Variants in EIF3H observed in about 807,000 individuals in gnomAD.
EIF3H encodes the protein eIF-3-gamma.
EIF3H carries 26 observed loss-of-function variants against 44.2 expected under a neutral mutation model. The ratio of observed to expected loss-of-function variants is 0.59; its 90% confidence interval spans 0.43 to 0.82. The LOEUF (loss-of-function observed/expected upper bound fraction) is 0.82. Ranked by LOEUF, EIF3H falls within the 40% of genes least tolerant of loss-of-function variation. The pLI is 0.00. For missense variants in EIF3H, 359 were observed against 432.8 expected (o/e 0.83, Z 1.51); for synonymous variants, 166 against 151.9 (o/e 1.09, Z -0.68).
At chr8:116,709,694 A>G (rs1359759307) in intron 2 of EIF3H, among the ~76,000 whole-genome samples, 1 of 152,220 alleles carries the variant, frequency 6.6e-6, no homozygotes. Context: ...AATGTTTCTT[A>G]GGAACTTGCT....
At chr8:116,757,246 T>G (rs1358135712), upstream of EIF3H, among the ~76,000 whole-genome samples, 1 of 102,908 alleles carries the variant, frequency 9.7e-6, no homozygotes, top group Non-Finnish European at 2.5e-5. Flanking sequence ...GCCCTCTTTA[T>G]GAAATACACT....
intron 5 of EIF3H, among the ~76,000 whole-genome samples, chr8:116,654,828 T>C (rs543233772): frequency 3.9e-5 from 6 of 152,026 alleles, no homozygotes; most frequent in South Asian, 2.1e-4. Flanking sequence ...TGCCAGAGCA[T>C]AGAGAAGAAC....
intron 2 of EIF3H, among the ~76,000 whole-genome samples, chr8:116,702,913 A>G (rs544897909): frequency 3.9e-5 from 6 of 152,230 alleles, no homozygotes. Flanking sequence ...ATCTTGGAAT[A>G]AAACTGTTCC....
At chr8:116,674,719 G>C (rs1042673546) in intron 2 of EIF3H, among the ~76,000 whole-genome samples, 60 of 152,148 alleles carry the variant, frequency 3.9e-4, no homozygotes, top group African/African-American at 1.3e-3. Context: ...CAGTCATTTT[G>C]TAAAGGAAAT....
intron 2 of EIF3H, among the ~76,000 whole-genome samples, chr8:116,690,574 TA>T (rs1354830140): frequency 1.3e-5 from 2 of 152,102 alleles, no homozygotes; most frequent in African/African-American, 4.8e-5. Context: ...CTAACTGAGC[TA>T]AGGCACTTAC....
At chr8:116,672,704 T>A (rs1813777314) in intron 2 of EIF3H, among the ~76,000 whole-genome samples, 1 of 151,446 alleles carries the variant, frequency 6.6e-6, no homozygotes, top group Non-Finnish European at 1.5e-5. Context: ...CCAACAAGAA[T>A]CACAATTTAA....
intron 2 of EIF3H, among the ~76,000 whole-genome samples, chr8:116,669,913 G>A (rs1170086751): frequency 6.6e-6 from 1 of 152,058 alleles, no homozygotes; most frequent in Non-Finnish European, 1.5e-5. Flanking sequence ...TACACACTCT[G>A]CTTCTACCAA....
At chr8:116,749,426 CA>C (rs894300442) in intron 1 of EIF3H, among the ~76,000 whole-genome samples, 1 of 152,168 alleles carries the variant, frequency 6.6e-6, no homozygotes, top group Non-Finnish European at 1.5e-5. Flanking sequence ...GCATTTCTAA[CA>C]AACTCAAGTG....
chr8:116,694,863 C>A (rs551735831), intron 2 of EIF3H, among the ~76,000 whole-genome samples: 2 of 152,044 alleles, frequency 1.3e-5, no homozygotes, highest in Non-Finnish European at 2.9e-5. Context: ...ATAGTGTAAT[C>A]CCTTAAAGAA....
At position 116,646,599 on chromosome 8, in the gene EIF3H, T is replaced by C. The variant is rs754287017; in HGVS notation, c.833A>G (p.Gln278Arg). The C allele has an allele frequency of 1.2e-6, 2 of 1,614,000 alleles. No homozygotes were observed. The highest frequency in any genetic ancestry group is 8.5e-7 in the Non-Finnish European group (1 of 1,179,928). The change falls in exon 7 of 8, where the codon CAG becomes CGG. Residue 278 changes from glutamine (Q) to arginine (R), a missense_variant. Around this residue, in one of 5 missense-constraint regions of EIF3H, gnomAD observed 94 missense variants for 96.0 expected, o/e 0.98. Transcript: ENST00000521861. ...CATATTCTCCTGCTGGCGACGCTGC[T>C]GATACTAAAATTCAAAGGGAAAATG... ...SKQQQQKHQY[Q>R]QRRQQENMQR...
chr8:116,715,363 ATG>A (rs1175678709), intron 2 of EIF3H, among the ~76,000 whole-genome samples: 2 of 152,084 alleles, frequency 1.3e-5, no homozygotes, highest in Non-Finnish European at 2.9e-5. Flanking sequence ...GATAAAAGCT[ATG>A]TGTTTTATTT....
At chr8:116,724,848 G>T (rs888453934) in intron 2 of EIF3H, among the ~76,000 whole-genome samples, 6 of 152,014 alleles carry the variant, frequency 3.9e-5, no homozygotes, top group African/African-American at 1.4e-4. Flanking sequence ...AATGTAAAAT[G>T]GTGCAGCTGC....
chr8:116,680,149 C>A, intron 2 of EIF3H, among the ~76,000 whole-genome samples: 1 of 64,900 alleles, frequency 1.5e-5, no homozygotes, highest in East Asian at 3.9e-4. Flanking sequence ...GCCGCCCCTA[C>A]TGGGAAGTGA....
At chr8:116,701,403 A>G (rs1382235840) in intron 2 of EIF3H, among the ~76,000 whole-genome samples, 2 of 152,168 alleles carry the variant, frequency 1.3e-5, no homozygotes, top group Admixed American at 1.3e-4. Context: ...TGTTTTTCAT[A>G]TACCTCCAAA....
intron 1 of EIF3H, among the ~76,000 whole-genome samples, chr8:116,752,787 G>GGGAA (rs1309754539): frequency 1.8e-4 from 5 of 27,348 alleles, no homozygotes; most frequent in Non-Finnish European, 4.7e-4. Context: ...GAGGGAGGGA[G>GGGAA]GGAGGGAGGG....
chr8:116,728,148 A>G (rs1814884256), intron 1 of EIF3H, among the ~76,000 whole-genome samples: 1 of 152,236 alleles, frequency 6.6e-6, no homozygotes, highest in African/African-American at 2.4e-5. Context: ...ACCAATTATG[A>G]AAGAAAAAAA....
Position 116,745,270 on chromosome 8 carries a change from T to C in EIF3H, c.132+10396A>G, listed in dbSNP as rs183820909. Reference sequence around the variant, plus strand: ...TCCAACAGTAACTATTACCAACTATTAAAATCAATATCTACTACTAAAAAT... The same window carrying C: ...TCCAACAGTAACTATTACCAACTATCAAAATCAATATCTACTACTAAAAAT... On this transcript the variant is annotated intron_variant, in intron 1 of 7. Transcript: ENST00000521861. Among the ~76,000 whole-genome samples, 12 of 152,302 alleles carry C rather than the reference T, an allele frequency of 7.9e-5. No individual in the cohort carries two copies. The East Asian group carries it at 2.3e-3, about 29-fold the overall frequency.
intron 1 of EIF3H, among the ~76,000 whole-genome samples, chr8:116,732,405 T>A (rs1814965188): frequency 1.3e-5 from 2 of 152,040 alleles, no homozygotes; most frequent in African/African-American, 4.8e-5. Flanking sequence ...GCAGGTAAAA[T>A]CTCTCATCCT....
rs566387310 is a variant in EIF3H, at chr8:116,708,036, G to T, written c.289+17980C>A. On this transcript the variant is annotated intron_variant, in intron 2 of 7. Transcript: ENST00000521861. ...CAAAAAAATAATATTACAAACTCTT[G>T]GTAAGCAGTATTTGCATTATTCAAA... is the stretch of plus-strand genomic sequence containing the variant. Among the ~76,000 whole-genome samples the T allele has an allele frequency of 3.4e-3, 519 of 151,978 alleles. 5 individuals carry two copies. Among genetic ancestry groups the T allele is most frequent in the Admixed American group, 5.8e-3 (89 of 15,272 alleles).
Sources: gnomAD v4.1 joint callset for allele counts (sites outside exome capture counted in the v4.1 genomes callset) on GRCh38, gnomAD v4.1.1 for gene constraint, gnomAD v4.1.1 regional missense constraint, MANE v1.5 for transcripts, NCBI Gene and HGNC (gene_info 2026-07-23, HGNC 2026-07-21) for gene names.